Variants in ANKFN1 observed in about 807,000 individuals in gnomAD.
ANKFN1 encodes the protein ankyrin repeat and fibronectin type-III domain-containing protein 1.
ANKFN1 carries 74 observed loss-of-function variants against 108.7 expected under a neutral mutation model. The ratio of observed to expected loss-of-function variants is 0.68; its 90% CI spans 0.56 to 0.83. The LOEUF (loss-of-function observed/expected upper bound fraction) is 0.83. Ranked by LOEUF, ANKFN1 falls within the 40% of genes least tolerant of loss-of-function variation. The pLI is 0.00. For synonymous variants in ANKFN1, 547 were observed against 516.2 expected, an observed-to-expected ratio of 1.06 and a Z score of -0.81; for missense variants, 1,505 against 1,382.3, an observed-to-expected ratio of 1.09 and a Z score of -1.41.
intron 4 of ANKFN1, among the ~76,000 whole-genome samples, chr17:56,136,979 G>A (rs1255471002): frequency 6.6e-5 from 10 of 152,112 alleles, no homozygotes; most frequent in African/African-American, 2.4e-4. Flanking sequence ...ACCCTTACCT[G>A]GGATCCATCA....
intron 14 of ANKFN1, among the ~76,000 whole-genome samples, chr17:56,463,538 G>A (rs116207944): frequency 0.02 from 3,097 of 152,304 alleles, 105 homozygotes; most frequent in African/African-American, 0.07. Context: ...GAGAAATCCT[G>A]TAAGTGACCA....
At chr17:56,261,444 A>G (rs2043508323) in intron 3 of ANKFN1, among the ~76,000 whole-genome samples, 1 of 152,280 alleles carries the variant, frequency 6.6e-6, no homozygotes, top group Non-Finnish European at 1.5e-5. Flanking sequence ...GGATAAATGT[A>G]TATATGAAAG....
chr17:56,439,299 A>G (rs531762377), intron 8 of ANKFN1, among the ~76,000 whole-genome samples: 1 of 152,096 alleles, frequency 6.6e-6, no homozygotes, highest in East Asian at 2.0e-4. Flanking sequence ...CACAAAGTTT[A>G]GAAACAGAGG....
intron 8 of ANKFN1, among the ~76,000 whole-genome samples, chr17:56,428,486 T>C (rs1310713546): frequency 6.8e-6 from 1 of 148,058 alleles, no homozygotes; most frequent in South Asian, 2.1e-4. Context: ...TTTGAGATGG[T>C]GTGTCTCATT....
chr17:56,354,021 G>T lies in ANKFN1; in HGVS notation c.576G>T (p.Arg192Ser). The change falls in exon 6 of 21, where the codon AGG (arginine) becomes AGT (serine). Residue 192 changes from arginine (R) to serine (S), a missense_variant. Coordinates refer to ENST00000682825, the MANE Select transcript of ANKFN1 (RefSeq NM_001370326.1). ...TGCCCATTGCAAGGATTCTTCTGAG[G>T]ACAGGGGCCCGAGAAAGTCCACACT... The part of the protein sequence containing the change: ...NNVPIARILL[R>S]TGARESPHFV... The T allele has an allele frequency of 6.2e-7, 1 of 1,613,898 alleles. No homozygotes were observed. Among genetic ancestry groups the T allele is most frequent in the Non-Finnish European group, 8.5e-7 (1 of 1,179,942 alleles).
chr17:56,426,288 A>G (rs1309749744), intron 8 of ANKFN1, among the ~76,000 whole-genome samples: 1 of 152,226 alleles, frequency 6.6e-6, no homozygotes, highest in Admixed American at 6.5e-5. Context: ...CCCCACAGTC[A>G]GTGACCTCTT....
Position 56,514,937 on chromosome 17 carries a change from G to A in ANKFN1, c.*3668G>A, listed in dbSNP as rs540710911. On this transcript the variant is annotated 3_prime_UTR_variant, in exon 21 of 21. Transcript: ENST00000682825. ...CTGCCACACAAATGTGCGCCCTGGT[G>A]AGTTTGGAGCTCTTCCCTTGAAGAT... Among the ~76,000 whole-genome samples, 81 of 152,246 alleles carry A rather than the reference G, an allele frequency of 5.3e-4. No individual in the cohort carries two copies. The highest frequency in any genetic ancestry group is 1.9e-3 in the African/African-American group (80 of 41,552).
chr17:56,246,580 A>C (rs1917972025), intron 3 of ANKFN1, among the ~76,000 whole-genome samples: 1 of 152,108 alleles, frequency 6.6e-6, no homozygotes, highest in African/African-American at 2.4e-5. Context: ...TGAAGGACTT[A>C]GCCTACTAAG....
rs368815060 is a variant in ANKFN1 at position 56,256,134 on chromosome 17, A to G, written c.53+28177A>G. Among the ~76,000 whole-genome samples, 10 of 152,328 alleles carry G rather than the reference A, an allele frequency of 6.6e-5. No homozygotes were observed. The East Asian group carries it at 1.2e-3, about 18-fold the overall frequency. Reference sequence around the variant, plus strand: ...CTCTGAATTCCTTCATTTTCTAGCAATGTACATCACCAGTGCTAGAGTTAG... The same window carrying G: ...CTCTGAATTCCTTCATTTTCTAGCAGTGTACATCACCAGTGCTAGAGTTAG... On this transcript the variant is annotated intron_variant, in intron 3 of 20. Coordinates refer to ENST00000682825, the MANE Select transcript of ANKFN1 (RefSeq NM_001370326.1).
At chr17:56,133,024 A>C (rs1443182349) in intron 4 of ANKFN1, among the ~76,000 whole-genome samples, 2 of 152,194 alleles carry the variant, frequency 1.3e-5, no homozygotes, top group Admixed American at 6.5e-5. Flanking sequence ...GCCAAACACA[A>C]AACAGGGAAG....
intron 15 of ANKFN1, chr17:56,472,339 A>G (rs933894550): frequency 4.6e-5 from 7 of 152,180 alleles, no homozygotes; most frequent in Admixed American, 1.3e-4. Flanking sequence ...CTCTACCATC[A>G]TGGATGGTTG....
intron 3 of ANKFN1, among the ~76,000 whole-genome samples, chr17:56,267,907 A>T (rs946161874): frequency 6.6e-6 from 1 of 151,512 alleles, no homozygotes; most frequent in East Asian, 1.9e-4. Flanking sequence ...GATTTTTAGA[A>T]TTTTTTTTCC....
chr17:56,463,626 T>C (rs2049983868), intron 14 of ANKFN1, among the ~76,000 whole-genome samples: 2 of 152,266 alleles, frequency 1.3e-5, no homozygotes, highest in South Asian at 2.1e-4. Flanking sequence ...TGCTCTTACA[T>C]TGAAAGGTGT....
chr17:56,363,027 G>A (rs769053830), intron 6 of ANKFN1, among the ~76,000 whole-genome samples: 2 of 152,102 alleles, frequency 1.3e-5, no homozygotes, highest in African/African-American at 2.4e-5. Flanking sequence ...TGGCCAACAT[G>A]GTGAAACTCC....
Position 56,393,481 on chromosome 17 carries a change from A to G in ANKFN1, c.910+18767A>G, listed in dbSNP as rs148084427. Among the ~76,000 whole-genome samples, 3 of 152,300 alleles carry G rather than the reference A, an allele frequency of 2.0e-5. No individual in the cohort carries two copies. In the East Asian group the frequency reaches 5.8e-4, roughly 29 times the overall value. On this transcript the variant is annotated intron_variant, in intron 8 of 20. Transcript: ENST00000682825. ...GACATTTATTTGCATGCCTGTCTCT[A>G]TGGATAACTTGAGGGCAAAAAGAAA...
At chr17:56,198,477 T>G (rs1163147832) in intron 1 of ANKFN1, among the ~76,000 whole-genome samples, 1 of 152,128 alleles carries the variant, frequency 6.6e-6, no homozygotes, top group Non-Finnish European at 1.5e-5. Context: ...CTTTGCTTGC[T>G]CACCCACTGC....
rs76877095 is a variant in ANKFN1, at chr17:56,260,546, C to T, written c.53+32589C>T. ...TTGGGCATCAACTAATTCATCCCAACCAGCATTTTTGATGAGTTAAGTGCA... is the reference window on the plus strand; with the variant it reads ...TTGGGCATCAACTAATTCATCCCAATCAGCATTTTTGATGAGTTAAGTGCA... On this transcript the variant is annotated intron_variant, in intron 3 of 20. Transcript: ENST00000682825. Among the ~76,000 whole-genome samples, 49 of 152,154 alleles carry T rather than the reference C, an allele frequency of 3.2e-4. No homozygotes were observed. In the East Asian group the frequency reaches 6.4e-3, roughly 20 times the overall value.
rs2043668273 is a variant in ANKFN1 at position 56,477,596 on chromosome 17, CA to C, written c.1886del (p.Lys629SerfsTer9). On this transcript the variant is annotated frameshift_variant, in exon 16 of 21. Coordinates refer to ENST00000682825, the MANE Select transcript of ANKFN1 (RefSeq NM_001370326.1). LOFTEE classifies it high-confidence loss of function. ...GGATCAAATCAAAGTTCTTGTTACC[CA>C]AAAGTTGCCCAACATTCTCTGCCAC... is the stretch of plus-strand genomic sequence containing the variant. ...SVDQIKVLVT[Q>X]KLPNILCHVK... 7.4e-6 allele frequency: 12 copies of C among 1,613,610 alleles called. No individual in the cohort carries two copies. The highest frequency in any genetic ancestry group is 1.0e-5 in the Non-Finnish European group (12 of 1,179,860).
chr17:56,477,233 G>A (rs2050531169), intron 15 of ANKFN1, among the ~76,000 whole-genome samples: 1 of 152,008 alleles, frequency 6.6e-6, no homozygotes, highest in African/African-American at 2.4e-5. Flanking sequence ...CACCTACACT[G>A]GCACAGAAAT....
Sources: gnomAD v4.1 joint callset for allele counts (sites outside exome capture counted in the v4.1 genomes callset) on GRCh38, gnomAD v4.1.1 for gene constraint, MANE v1.5 for transcripts, NCBI Gene and HGNC (gene_info 2026-07-23, HGNC 2026-07-21) for gene names.